The following FHIT variants were observed in gnomAD, a reference collection of about 807,000 sequenced individuals.
FHIT encodes the protein bis(5'-adenosyl)-triphosphatase.
Under a neutral mutation model 17.9 loss-of-function variants are expected in FHIT, and 19 were observed. That is an observed-to-expected ratio of 1.06 (90% CI 0.74 to 1.56). The LOEUF is 1.56. Ranked by LOEUF, FHIT falls within the 40% of genes most tolerant of loss-of-function variation. FHIT has a pLI of 0.00. For missense variants in FHIT, 248 were observed against 189.2 expected (o/e 1.31, Z -1.82); for synonymous variants, 81 against 69.7 (o/e 1.16, Z -0.81).
At chr3:59,994,774 T>G (rs1241896132) in intron 7 of FHIT, among the ~76,000 whole-genome samples, 6 of 152,186 alleles carry the variant, frequency 3.9e-5, no homozygotes, top group Admixed American at 3.9e-4. Context: ...GACATGGCAT[T>G]TCAGGTCCAC....
chr3:60,319,856 T>C (rs1451320850), intron 5 of FHIT, among the ~76,000 whole-genome samples: 2 of 152,136 alleles, frequency 1.3e-5, no homozygotes, highest in Non-Finnish European at 2.9e-5. Context: ...GGTAGAATCA[T>C]CTTTCTTTAA....
chr3:59,852,011 C>A, intron 8 of FHIT, among the ~76,000 whole-genome samples: 1 of 152,242 alleles, frequency 6.6e-6, no homozygotes, highest in South Asian at 2.1e-4. Context: ...TAAGATTCAC[C>A]CAGTCGGGGG....
intron 4 of FHIT, among the ~76,000 whole-genome samples, chr3:60,653,121 A>C (rs1222861057): frequency 6.6e-6 from 1 of 152,178 alleles, no homozygotes; most frequent in Non-Finnish European, 1.5e-5. Flanking sequence ...CCAGAAATTT[A>C]ATATGACAAG....
rs1233324441 is a variant in FHIT at position 60,573,102 on chromosome 3, C to T, written c.-17-36123G>A. On this transcript the variant is annotated intron_variant, in intron 4 of 9. Coordinates refer to ENST00000492590, the MANE Select transcript of FHIT (RefSeq NM_002012.4). ...CCAAGGCCAAAGTTTAGACTCTTCA[C>T]CAGAACTGCTTGGCTTTTTGCTAGA... Among the ~76,000 whole-genome samples the T allele has an allele frequency of 2.6e-5, 4 of 152,146 alleles. No homozygotes were observed. In the East Asian group the frequency reaches 7.7e-4, roughly 29 times the overall value.
At chr3:60,162,679 C>T (rs1269200992) in intron 5 of FHIT, among the ~76,000 whole-genome samples, 2 of 152,234 alleles carry the variant, frequency 1.3e-5, no homozygotes, top group East Asian at 3.9e-4. Flanking sequence ...GAGAAACTCG[C>T]TAGCAATCAC....
chr3:60,250,194 G>T (rs374251814), intron 5 of FHIT, among the ~76,000 whole-genome samples: 1 of 152,074 alleles, frequency 6.6e-6, no homozygotes, highest in Non-Finnish European at 1.5e-5. Flanking sequence ...AGATAAAGTC[G>T]CACCTACAGC....
chr3:60,039,507 C>T (rs757516280), intron 5 of FHIT, among the ~76,000 whole-genome samples: 18 of 152,098 alleles, frequency 1.2e-4, no homozygotes, highest in Non-Finnish European at 2.5e-4. Context: ...CAAGAGAGTC[C>T]TTGGAGAATG....
At chr3:60,984,788 GT>G in intron 3 of FHIT, among the ~76,000 whole-genome samples, 1 of 1,668 alleles carries the variant, frequency 6.0e-4, no homozygotes, top group Non-Finnish European at 9.7e-4. Context: ...ATGAAGGGGT[GT>G]GTGTGTGTGT....
intron 5 of FHIT, among the ~76,000 whole-genome samples, chr3:60,093,700 T>C (rs549576885): frequency 1.3e-5 from 2 of 152,292 alleles, no homozygotes; most frequent in Non-Finnish European, 2.9e-5. Context: ...GCAAGAACCC[T>C]ACTATGAACT....
intron 3 of FHIT, among the ~76,000 whole-genome samples, chr3:60,984,247 CA>C (rs1351661352): frequency 6.6e-6 from 1 of 152,138 alleles, no homozygotes; most frequent in East Asian, 1.9e-4. Flanking sequence ...ATTCACAGAG[CA>C]AAGTTTATTT....
At chr3:60,703,952 T>C (rs2041307052) in intron 4 of FHIT, among the ~76,000 whole-genome samples, 1 of 152,110 alleles carries the variant, frequency 6.6e-6, no homozygotes, top group African/African-American at 2.4e-5. Flanking sequence ...TAAAGAATCA[T>C]CATTTTCCTA....
At chr3:60,093,840 A>G (rs1009272875) in intron 5 of FHIT, among the ~76,000 whole-genome samples, 3 of 152,194 alleles carry the variant, frequency 2.0e-5, no homozygotes, top group African/African-American at 7.2e-5. Context: ...CTTCCATGAA[A>G]CAAGGTCCCT....
intron 8 of FHIT, among the ~76,000 whole-genome samples, chr3:59,782,200 C>T (rs189718188): frequency 1.3e-5 from 2 of 152,268 alleles, no homozygotes; most frequent in South Asian, 2.1e-4. Context: ...GTGATCCACC[C>T]GCCTCGGCCT....
chr3:60,236,323 G>T (rs1487818457), intron 5 of FHIT, among the ~76,000 whole-genome samples: 2 of 149,540 alleles, frequency 1.3e-5, no homozygotes, highest in Admixed American at 1.3e-4. Context: ...TTGGGTCTGT[G>T]TCCCCAGAGA....
chr3:59,893,080 G>A (rs1703923569), intron 8 of FHIT, among the ~76,000 whole-genome samples: 2 of 152,184 alleles, frequency 1.3e-5, no homozygotes, highest in African/African-American at 4.8e-5. Context: ...GTTGGTCAGT[G>A]AACAATATTA....
chr3:60,168,063 G>C (rs780236858), intron 5 of FHIT, among the ~76,000 whole-genome samples: 1 of 152,098 alleles, frequency 6.6e-6, no homozygotes, highest in Non-Finnish European at 1.5e-5. Flanking sequence ...TTATCAACTT[G>C]TCCTGAGTTG....
intron 5 of FHIT, among the ~76,000 whole-genome samples, chr3:60,526,886 G>A (rs1357505383): frequency 2.0e-5 from 3 of 151,698 alleles, no homozygotes; most frequent in South Asian, 2.1e-4. Flanking sequence ...GGCAGTGGGA[G>A]TAATTATTCC....
In FHIT at chr3:60,281,571, A is replaced by G. The variant is rs548139953; in HGVS notation, c.103+255289T>C. Among the ~76,000 whole-genome samples the G allele has an allele frequency of 4.0e-5, 6 of 151,082 alleles. No individual in the cohort carries two copies. In the East Asian group the frequency reaches 1.2e-3, roughly 30 times the overall value. On this transcript the variant is annotated intron_variant, in intron 5 of 9. Transcript: ENST00000492590. ...TGCCCTGGACAGAGGAGCAAAGGCAATTCAATAGACAACAAATAGTGCTAG... is the reference window on the plus strand; with the variant it reads ...TGCCCTGGACAGAGGAGCAAAGGCAGTTCAATAGACAACAAATAGTGCTAG...
chr3:61,213,571 C>T (rs2039562636), intron 1 of FHIT, among the ~76,000 whole-genome samples: 2 of 152,286 alleles, frequency 1.3e-5, no homozygotes, highest in Admixed American at 6.5e-5. Flanking sequence ...ACTTTAACAA[C>T]CCACTGTCAA....
Sources: allele counts gnomAD v4.1 joint callset (sites outside exome capture counted in the v4.1 genomes callset), GRCh38; gene constraint gnomAD v4.1.1; transcripts MANE v1.5; gene names NCBI Gene and HGNC (gene_info 2026-07-23, HGNC 2026-07-21).